KIZ: variants seen among roughly 807,000 people sequenced by gnomAD.
The protein encoded by KIZ is centrosomal protein kizuna.
KIZ carries 68 observed loss-of-function variants against 79.6 expected under a neutral mutation model. That is an observed-to-expected ratio of 0.85 (90% CI 0.70 to 1.05). KIZ has a LOEUF of 1.05. KIZ is among the 50% of genes least tolerant of loss of function. KIZ has a pLI of 0.00. For synonymous variants in KIZ, 280 were observed against 281.8 expected (o/e 0.99, Z 0.06); for missense variants, 797 against 800.4 (o/e 1.00, Z 0.05).
At chr20:21,237,270 C>T (rs1381495044) in intron 11 of KIZ, among the ~76,000 whole-genome samples, 1 of 149,340 alleles carries the variant, frequency 6.7e-6, no homozygotes, top group Non-Finnish European at 1.5e-5. Flanking sequence ...CCACTACACT[C>T]CAGCCTGGGT....
At chr20:21,185,703 G>T (rs1244579698) in intron 6 of KIZ, among the ~76,000 whole-genome samples, 2 of 148,734 alleles carry the variant, frequency 1.3e-5, no homozygotes, top group African/African-American at 5.0e-5. Context: ...GAGCCACCAC[G>T]CCCAACCCTA....
intron 7 of KIZ, among the ~76,000 whole-genome samples, chr20:21,206,846 A>G (rs1317037775): frequency 2.0e-5 from 3 of 152,124 alleles, no homozygotes; most frequent in Admixed American, 6.5e-5. Context: ...CCAAGAGAGA[A>G]TTCGAAGATG....
intron 9 of KIZ, among the ~76,000 whole-genome samples, chr20:21,224,185 G>T (rs906005952): frequency 2.0e-5 from 3 of 151,734 alleles, no homozygotes; most frequent in Non-Finnish European, 4.4e-5. Context: ...CTCCATTTTG[G>T]TCAGGCTGGT....
intron 6 of KIZ, among the ~76,000 whole-genome samples, chr20:21,165,258 A>G (rs2033876606): frequency 6.6e-6 from 1 of 152,204 alleles, no homozygotes; most frequent in Admixed American, 6.5e-5. Flanking sequence ...TCTGCGCAAC[A>G]TCCTGAAGTC....
At chr20:21,127,299 A>G (rs1019114559) in intron 1 of KIZ, among the ~76,000 whole-genome samples, 5 of 152,180 alleles carry the variant, frequency 3.3e-5, no homozygotes, top group African/African-American at 1.2e-4. Context: ...CTGACTTTAA[A>G]AAGAAATCTC....
chr20:21,168,874 A>G (rs2034075255), intron 6 of KIZ, among the ~76,000 whole-genome samples: 2 of 152,200 alleles, frequency 1.3e-5, no homozygotes, highest in African/African-American at 4.8e-5. Context: ...AAAACTGGCT[A>G]GTCATAGGTA....
chr20:21,200,282 C>T (rs900885161), intron 6 of KIZ, among the ~76,000 whole-genome samples: 1 of 152,080 alleles, frequency 6.6e-6, no homozygotes, highest in Non-Finnish European at 1.5e-5. Flanking sequence ...AGTCCCTAAC[C>T]TTTTTGGCAC....
At chr20:21,136,574 T>A in intron 3 of KIZ, 22 bp downstream of exon 3, 1 of 1,497,568 alleles carries the variant, frequency 6.7e-7, no homozygotes, top group Non-Finnish European at 9.0e-7. Flanking sequence ...TTTTTTACTG[T>A]GTTTTATTTT....
chr20:21,169,071 A>G (rs895811032), intron 6 of KIZ, among the ~76,000 whole-genome samples: 3 of 152,234 alleles, frequency 2.0e-5, no homozygotes, highest in African/African-American at 4.8e-5. Flanking sequence ...ACAAAAGCCA[A>G]AATTGACAAA....
intron 11 of KIZ, among the ~76,000 whole-genome samples, chr20:21,238,333 G>GTA (rs2037095633): frequency 1.1e-5 from 1 of 93,846 alleles, no homozygotes; most frequent in South Asian, 5.7e-4. Flanking sequence ...GCATAAGGGT[G>GTA]TGAGAGAGAG....
At chr20:21,235,116 G>A (rs1418717877) in intron 11 of KIZ, among the ~76,000 whole-genome samples, 1 of 152,220 alleles carries the variant, frequency 6.6e-6, no homozygotes, top group Non-Finnish European at 1.5e-5. Context: ...GAAAGGGATT[G>A]GGTGCTGCTT....
At chr20:21,166,644 G>C in intron 6 of KIZ, 5 of 815,780 alleles carry the variant, frequency 6.1e-6, no homozygotes, top group Non-Finnish European at 9.8e-6. Flanking sequence ...TTTTTGGAGA[G>C]ACTTGGTTTC....
chr20:21,186,530 A>G (rs1332097943), intron 6 of KIZ, among the ~76,000 whole-genome samples: 1 of 150,614 alleles, frequency 6.6e-6, no homozygotes, highest in African/African-American at 2.5e-5. Context: ...CATACTTTCC[A>G]TTATTTTTCA....
intron 12 of KIZ, chr20:21,245,048 T>G (rs543729594): frequency 6.6e-6 from 1 of 152,514 alleles, no homozygotes; most frequent in African/African-American, 2.4e-5. Flanking sequence ...ACCATAACAC[T>G]GTGGCATATC....
chr20:21,218,801 G>T (rs146147485), intron 9 of KIZ, among the ~76,000 whole-genome samples: 1 of 152,148 alleles, frequency 6.6e-6, no homozygotes, highest in East Asian at 1.9e-4. Flanking sequence ...ATTTCATTTT[G>T]TGGGGAGCTC....
At chr20:21,131,342 C>T (rs754407173) in intron 1 of KIZ, among the ~76,000 whole-genome samples, 2 of 152,190 alleles carry the variant, frequency 1.3e-5, no homozygotes, top group African/African-American at 4.8e-5. Context: ...AAAACAGCAA[C>T]CTGTGACAAA....
chr20:21,217,051 T>G (rs2036320244), intron 9 of KIZ, among the ~76,000 whole-genome samples: 1 of 152,194 alleles, frequency 6.6e-6, no homozygotes, highest in Admixed American at 6.5e-5. Flanking sequence ...TAAAAGAAAT[T>G]GTAATTCCAG....
chr20:21,202,124 T>C (rs546453720), intron 6 of KIZ, among the ~76,000 whole-genome samples: 2 of 152,188 alleles, frequency 1.3e-5, no homozygotes, highest in Non-Finnish European at 2.9e-5. Context: ...ATAGATGCAA[T>C]TGGGTGGTGT....
At chr20:21,140,547 ACT>A (rs1491547920) in intron 3 of KIZ, among the ~76,000 whole-genome samples, 12 of 152,218 alleles carry the variant, frequency 7.9e-5, no homozygotes, top group African/African-American at 2.9e-4. Flanking sequence ...GACTCATAAT[ACT>A]TTATTTGGAG....
Sources: gnomAD v4.1 joint callset for allele counts (sites outside exome capture counted in the v4.1 genomes callset) on GRCh38, gnomAD v4.1.1 for gene constraint, MANE v1.5 for transcripts, NCBI Gene and HGNC (gene_info 2026-07-23, HGNC 2026-07-21) for gene names.